LRP1B: variants seen among roughly 807,000 people sequenced by gnomAD.
The protein encoded by LRP1B is LDL receptor related protein 1B.
LRP1B carries 217 observed loss-of-function variants against 556.6 expected under a neutral mutation model. The observed-to-expected ratio is 0.39, with a 90% CI of 0.35 to 0.44. The LOEUF (loss-of-function observed/expected upper bound fraction) is 0.44. LRP1B is among the 20% of genes least tolerant of loss of function. The pLI is 1.00. For missense variants in LRP1B, 5,053 were observed against 5,620.8 expected (o/e 0.90, Z 3.23); for synonymous variants, 2,047 against 1,865.8 (o/e 1.10, Z -2.50).
At chr2:141,170,690 C>T (rs933638298) in intron 7 of LRP1B, among the ~76,000 whole-genome samples, 29 of 152,054 alleles carry the variant, frequency 1.9e-4, no homozygotes, top group African/African-American at 6.5e-4. Flanking sequence ...CACTCAAACA[C>T]CCTTGAATTA....
intron 32 of LRP1B, among the ~76,000 whole-genome samples, chr2:140,801,043 G>A (rs144907999): frequency 6.6e-6 from 1 of 152,152 alleles, no homozygotes; most frequent in East Asian, 1.9e-4. Flanking sequence ...TGGTCACAGT[G>A]GCAGGTGTTT....
At position 141,703,722 on chromosome 2, in the gene LRP1B, A is replaced by G. The variant is rs1004583382; in HGVS notation, c.205+106557T>C. Among the ~76,000 whole-genome samples, 3 of 151,984 alleles carry G rather than the reference A, an allele frequency of 2.0e-5. No individual in the cohort carries two copies. In the Admixed American group the frequency reaches 2.0e-4, roughly 10 times the overall value. The stretch of plus-strand genomic sequence containing the variant: ...TCCCTAAATCACACATCCTGAGTTT[A>G]GCACCTCCCACAGTGATATTGCTGA... On this transcript the variant is annotated intron_variant, in intron 2 of 90. Transcript: ENST00000389484.
At chr2:141,404,792 G>GC (rs1690573080) in intron 3 of LRP1B, among the ~76,000 whole-genome samples, 1 of 152,020 alleles carries the variant, frequency 6.6e-6, no homozygotes, top group Non-Finnish European at 1.5e-5. Flanking sequence ...TGAGTAAAAT[G>GC]CAAGACATTG....
At chr2:140,563,267 A>G (rs1681000749) in intron 43 of LRP1B, among the ~76,000 whole-genome samples, 1 of 152,162 alleles carries the variant, frequency 6.6e-6, no homozygotes, top group Non-Finnish European at 1.5e-5. Flanking sequence ...GGCTTCAAAG[A>G]AAATTATTAA....
At chr2:141,305,368 C>A (rs1686547612) in intron 3 of LRP1B, among the ~76,000 whole-genome samples, 1 of 151,990 alleles carries the variant, frequency 6.6e-6, no homozygotes, top group Admixed American at 6.6e-5. Flanking sequence ...AATGGGATTG[C>A]CTTCTTGATT....
chr2:140,707,334 G>C (rs188431281), intron 37 of LRP1B, among the ~76,000 whole-genome samples: 3 of 152,172 alleles, frequency 2.0e-5, no homozygotes, highest in Admixed American at 2.0e-4. Flanking sequence ...GAAAAGAATC[G>C]AGAATGTCAT....
chr2:141,282,345 G>T (rs1461406211), intron 3 of LRP1B, among the ~76,000 whole-genome samples: 1 of 151,814 alleles, frequency 6.6e-6, no homozygotes, highest in Non-Finnish European at 1.5e-5. Context: ...GAATCCAAAA[G>T]ATTCAGCAGA....
At chr2:141,427,338 A>T (rs1238022747) in intron 3 of LRP1B, among the ~76,000 whole-genome samples, 1 of 152,184 alleles carries the variant, frequency 6.6e-6, no homozygotes, top group East Asian at 1.9e-4. Flanking sequence ...TCAGCAGTTC[A>T]TTTTAGCAAA....
At chr2:140,772,471 G>A (rs139086957) in intron 33 of LRP1B, among the ~76,000 whole-genome samples, 23 of 151,978 alleles carry the variant, frequency 1.5e-4, no homozygotes, top group African/African-American at 5.5e-4. Context: ...CACCATGTCT[G>A]GATAATTTTT....
At chr2:141,661,966 G>C (rs1204606973) in intron 2 of LRP1B, among the ~76,000 whole-genome samples, 2 of 152,174 alleles carry the variant, frequency 1.3e-5, no homozygotes, top group Non-Finnish European at 2.9e-5. Context: ...AAGTCTGTCA[G>C]AATAACAGTG....
chr2:140,807,490 G>A (rs927504598), intron 32 of LRP1B, among the ~76,000 whole-genome samples: 2 of 148,000 alleles, frequency 1.4e-5, no homozygotes, highest in Non-Finnish European at 3.0e-5. Context: ...ACAGGCACCC[G>A]CCACCACGCC....
intron 41 of LRP1B, among the ~76,000 whole-genome samples, chr2:140,655,680 C>G (rs944544724): frequency 3.9e-5 from 6 of 152,320 alleles, no homozygotes; most frequent in Middle Eastern, 3.4e-3. Flanking sequence ...CGGTGGCTCA[C>G]GCCTGCAATC....
At chr2:140,400,294 A>G (rs1684436644) in intron 66 of LRP1B, among the ~76,000 whole-genome samples, 1 of 152,170 alleles carries the variant, frequency 6.6e-6, no homozygotes, top group Non-Finnish European at 1.5e-5. Flanking sequence ...CCAACGACTG[A>G]CAGTAGCTGA....
intron 86 of LRP1B, among the ~76,000 whole-genome samples, chr2:140,255,505 G>A (rs1465919220): frequency 3.3e-5 from 5 of 151,982 alleles, no homozygotes; most frequent in Non-Finnish European, 5.9e-5. Context: ...ATATCTAAAG[G>A]CACCTTTGCC....
At chr2:141,628,078 CA>C (rs1688766028) in intron 2 of LRP1B, among the ~76,000 whole-genome samples, 1 of 152,152 alleles carries the variant, frequency 6.6e-6, no homozygotes, top group African/African-American at 2.4e-5. Context: ...AAAGAGCAAA[CA>C]GGGTCTCTGA....
chr2:140,244,532 T>C (rs1176810806), intron 87 of LRP1B, among the ~76,000 whole-genome samples: 1 of 151,330 alleles, frequency 6.6e-6, no homozygotes, highest in African/African-American at 2.4e-5. Flanking sequence ...AATATTTTAT[T>C]ATGCTGAGTT....
intron 3 of LRP1B, among the ~76,000 whole-genome samples, chr2:141,270,906 C>G (rs1173457928): frequency 6.6e-6 from 1 of 151,808 alleles, no homozygotes; most frequent in South Asian, 2.1e-4. Context: ...TACCACTGAA[C>G]TATATAATTT....
At chr2:140,599,092 G>T (rs915101608) in intron 42 of LRP1B, among the ~76,000 whole-genome samples, 3 of 151,852 alleles carry the variant, frequency 2.0e-5, no homozygotes, top group African/African-American at 7.3e-5. Context: ...ATGATAATTT[G>T]GTTAAACTGT....
chr2:140,735,544 G>T (rs1011746629), intron 35 of LRP1B, among the ~76,000 whole-genome samples: 5 of 152,138 alleles, frequency 3.3e-5, no homozygotes, highest in African/African-American at 9.7e-5. Context: ...CAGGGACCTG[G>T]TTGGAAAACC....
Sources: gnomAD v4.1 joint callset for allele counts (sites outside exome capture counted in the v4.1 genomes callset) on GRCh38, gnomAD v4.1.1 for gene constraint, MANE v1.5 for transcripts, NCBI Gene and HGNC (gene_info 2026-07-23, HGNC 2026-07-21) for gene names.